The following PRKD1 variants were observed in gnomAD, a reference collection of about 807,000 sequenced individuals.
PRKD1 encodes the protein serine/threonine-protein kinase D1.
Under a neutral mutation model 95.9 loss-of-function variants are expected in PRKD1, and 63 were observed. The ratio of observed to expected loss-of-function variants is 0.66; its 90% confidence interval spans 0.54 to 0.81. PRKD1 has a LOEUF of 0.81. Ranked by LOEUF, PRKD1 falls within the 30% of genes least tolerant of loss-of-function variation. PRKD1 has a pLI of 0.00. For synonymous variants in PRKD1, 425 were observed against 423.1 expected (o/e 1.00, Z -0.05); for missense variants, 1,048 against 1,165.3 (o/e 0.90, Z 1.47).
intron 1 of PRKD1, among the ~76,000 whole-genome samples, chr14:29,849,297 G>GT (rs1892206551): frequency 6.6e-6 from 1 of 152,094 alleles, no homozygotes; most frequent in Non-Finnish European, 1.5e-5. Context: ...CACCATAATT[G>GT]TAAGTTTCCT....
intron 2 of PRKD1, among the ~76,000 whole-genome samples, chr14:29,706,596 C>A (rs1239495341): frequency 6.6e-6 from 1 of 152,012 alleles, no homozygotes; most frequent in African/African-American, 2.4e-5. Context: ...ACACTCATTG[C>A]CAGATGTTGC....
At chr14:29,893,036 G>T (rs555396832) in intron 1 of PRKD1, among the ~76,000 whole-genome samples, 3 of 152,178 alleles carry the variant, frequency 2.0e-5, no homozygotes, top group South Asian at 4.1e-4. Flanking sequence ...CATATCTATT[G>T]ACTTTCTTCT....
At chr14:29,720,931 C>T (rs1885862349) in intron 2 of PRKD1, among the ~76,000 whole-genome samples, 1 of 152,132 alleles carries the variant, frequency 6.6e-6, no homozygotes, top group Admixed American at 6.6e-5. Context: ...TTGGCAAACA[C>T]ATTGAACAAT....
intron 1 of PRKD1, among the ~76,000 whole-genome samples, chr14:29,769,424 C>T (rs540302824): frequency 6.6e-6 from 1 of 152,126 alleles, no homozygotes; most frequent in South Asian, 2.1e-4. Context: ...AAAAAATTAG[C>T]CAGGTGTGAT....
intron 1 of PRKD1, among the ~76,000 whole-genome samples, chr14:29,921,893 G>A (rs1326955036): frequency 1.3e-5 from 2 of 152,112 alleles, no homozygotes; most frequent in Non-Finnish European, 1.5e-5. Flanking sequence ...TTTATCAAAT[G>A]AGCCAATCAT....
intron 2 of PRKD1, among the ~76,000 whole-genome samples, chr14:29,705,889 T>C (rs185188626): frequency 7.9e-5 from 12 of 152,012 alleles, no homozygotes; most frequent in Admixed American, 2.0e-4. Context: ...ATCTGTTTTT[T>C]CTACTTTTGG....
intron 2 of PRKD1, 126 bp from the exon 3 acceptor site, chr14:29,666,334 T>C (rs1882506530): frequency 2.0e-6 from 2 of 996,834 alleles, no homozygotes; most frequent in African/African-American, 3.3e-5. Context: ...GAAGATAAGA[T>C]GCAACACAGC....
intron 1 of PRKD1, among the ~76,000 whole-genome samples, chr14:29,840,707 C>T (rs553273547): frequency 7.2e-5 from 11 of 152,290 alleles, no homozygotes; most frequent in Non-Finnish European, 1.5e-4. Context: ...GAGCAAGTCA[C>T]GTCTTACATG....
chr14:29,616,679 G>A (rs919940936), intron 13 of PRKD1, among the ~76,000 whole-genome samples: 4 of 152,146 alleles, frequency 2.6e-5, no homozygotes, highest in African/African-American at 9.7e-5. Flanking sequence ...GGGTCTTACT[G>A]GACTAAAAGC....
intron 1 of PRKD1, among the ~76,000 whole-genome samples, chr14:29,817,760 C>A (rs1890749813): frequency 6.6e-6 from 1 of 152,102 alleles, no homozygotes; most frequent in African/African-American, 2.4e-5. Context: ...TCTGCCTCTG[C>A]CAGCCACTGC....
intron 1 of PRKD1, among the ~76,000 whole-genome samples, chr14:29,903,465 C>G (rs1894390857): frequency 6.6e-6 from 1 of 152,124 alleles, no homozygotes; most frequent in Non-Finnish European, 1.5e-5. Context: ...AGCATAATGC[C>G]TGGAGTACAG....
intron 16 of PRKD1, among the ~76,000 whole-genome samples, chr14:29,580,675 C>T (rs1892727945): frequency 6.6e-6 from 1 of 152,012 alleles, no homozygotes; most frequent in South Asian, 2.1e-4. Context: ...GTATACAATC[C>T]AGCATTAACT....
rs567270037 is a variant in PRKD1, at chr14:29,744,660, C to A, written c.265-18986G>T. Among the ~76,000 whole-genome samples the A allele has an allele frequency of 3.6e-4, 55 of 152,320 alleles. 1 individual carries two copies. In the South Asian group the frequency reaches 9.1e-3, roughly 25 times the overall value. On this transcript the variant is annotated intron_variant, in intron 1 of 17. Coordinates refer to ENST00000331968, the MANE Select transcript of PRKD1 (RefSeq NM_002742.3). The stretch of plus-strand genomic sequence containing the variant: ...CTCCCGGGTTCAAGTGATTATCCTG[C>A]TTCAGCCTCCCGAGTAGTTGGGATT...
intron 1 of PRKD1, chr14:29,751,047 G>A (rs1263486462): frequency 1.3e-5 from 2 of 152,074 alleles, no homozygotes; most frequent in African/African-American, 4.8e-5. Context: ...TAAAAACCTG[G>A]AACTTTGTTC....
At chr14:29,798,333 A>T (rs893635437) in intron 1 of PRKD1, among the ~76,000 whole-genome samples, 2 of 152,218 alleles carry the variant, frequency 1.3e-5, no homozygotes, top group Admixed American at 6.5e-5. Flanking sequence ...ACATATTCAT[A>T]AGCTGTCTGA....
intron 8 of PRKD1, among the ~76,000 whole-genome samples, chr14:29,634,014 G>C (rs143007645): frequency 6.6e-6 from 1 of 152,290 alleles, no homozygotes; most frequent in East Asian, 1.9e-4. Context: ...GTTCTTCAGG[G>C]AAAACTTAGT....
chr14:29,774,918 T>C (rs1249446348), intron 1 of PRKD1, among the ~76,000 whole-genome samples: 2 of 152,096 alleles, frequency 1.3e-5, no homozygotes, highest in Non-Finnish European at 2.9e-5. Flanking sequence ...GAAGGACAAA[T>C]CAGGGGAGAG....
chr14:29,636,164 C>A (rs560666313), intron 7 of PRKD1, 126 bp downstream of exon 7: 1 of 1,149,112 alleles, frequency 8.7e-7, no homozygotes, highest in African/African-American at 1.5e-5. Context: ...GCACGCAGTT[C>A]ATTCATATAA....
chr14:29,838,367 C>G (rs977603284), intron 1 of PRKD1, among the ~76,000 whole-genome samples: 3 of 152,016 alleles, frequency 2.0e-5, no homozygotes, highest in African/African-American at 7.2e-5. Flanking sequence ...TAATATCAAG[C>G]CATAAGTGCT....
Sources: allele counts gnomAD v4.1 joint callset (sites outside exome capture counted in the v4.1 genomes callset), GRCh38; gene constraint gnomAD v4.1.1; transcripts MANE v1.5; gene names NCBI Gene and HGNC (gene_info 2026-07-23, HGNC 2026-07-21).